Variants in DLGAP1 observed in about 807,000 individuals in gnomAD.
DLGAP1 encodes the protein DLG associated protein 1, also known as disks large-associated protein 1.
DLGAP1 carries 11 observed loss-of-function variants against 90.8 expected under a neutral mutation model. The observed-to-expected ratio is 0.12, with a 90% CI of 0.08 to 0.20. The LOEUF (loss-of-function observed/expected upper bound fraction) is 0.20, where lower values mean the gene tolerates loss of function less well. Among genes scored for constraint, DLGAP1 ranks in the 10% least tolerant of loss-of-function variants. The pLI is 1.00. For synonymous variants in DLGAP1, 558 were observed against 540.7 expected (o/e 1.03, Z -0.44); for missense variants, 1,050 against 1,333.8 (o/e 0.79, Z 3.31).
intron 1 of DLGAP1, among the ~76,000 whole-genome samples, chr18:4,358,706 C>T (rs564799597): frequency 2.6e-5 from 4 of 152,330 alleles, no homozygotes; most frequent in South Asian, 2.1e-4. Flanking sequence ...AGGCTCAGTC[C>T]CTTCCTCTTG....
chr18:3,982,550 G>A (rs1459105545), intron 3 of DLGAP1, among the ~76,000 whole-genome samples: 2 of 152,132 alleles, frequency 1.3e-5, no homozygotes, highest in African/African-American at 4.8e-5. Context: ...GAACATCAAT[G>A]GGGGTACCTC....
At chr18:3,604,611 C>G (rs996421481) in intron 7 of DLGAP1, among the ~76,000 whole-genome samples, 4 of 152,164 alleles carry the variant, frequency 2.6e-5, no homozygotes, top group African/African-American at 9.7e-5. Flanking sequence ...TCTGTAAGCA[C>G]TCCTTTGGGT....
chr18:3,644,871 GGAAATATT>G (rs1231604450), intron 7 of DLGAP1, among the ~76,000 whole-genome samples: 1 of 148,978 alleles, frequency 6.7e-6, no homozygotes, highest in Non-Finnish European at 1.5e-5. Flanking sequence ...ATGGAAATAT[GGAAATATT>G]ACTAAGACAT....
At position 3,911,988 on chromosome 18, in the gene DLGAP1, C is replaced by T. The variant is rs1389620414; in HGVS notation, c.-72-31848G>A. 3.3e-5 allele frequency among the ~76,000 whole-genome samples: 5 copies of T among 152,210 alleles called. No homozygotes were observed. In the East Asian group the frequency reaches 9.6e-4, roughly 29 times the overall value. ...TTGTTAGAATGCAAATTCTCAGATT[C>T]AAGTCCTGTCGAATCAAAAATTGTG... On this transcript the variant is annotated intron_variant, in intron 3 of 12. Coordinates refer to ENST00000315677, the MANE Select transcript of DLGAP1 (RefSeq NM_004746.4).
At chr18:3,850,074 T>A (rs1003209496) in intron 4 of DLGAP1, among the ~76,000 whole-genome samples, 9 of 152,096 alleles carry the variant, frequency 5.9e-5, no homozygotes, top group African/African-American at 2.2e-4. Context: ...AATTAGCATG[T>A]GGGATGTTGA....
intron 1 of DLGAP1, among the ~76,000 whole-genome samples, chr18:4,256,719 TGA>T (rs1167544734): frequency 6.6e-6 from 1 of 152,186 alleles, no homozygotes; most frequent in Non-Finnish European, 1.5e-5. Context: ...TACTCTCTCC[TGA>T]GAGAACTTTC....
intron 9 of DLGAP1, among the ~76,000 whole-genome samples, chr18:3,557,470 T>C (rs499800): frequency 0.61 from 92,734 of 151,970 alleles, 31,220 homozygotes; most frequent in Admixed American, 0.73. Context: ...TGCAGTGGGC[T>C]GAGATCACAC....
chr18:3,562,238 T>C (rs987074444), intron 9 of DLGAP1, among the ~76,000 whole-genome samples: 2 of 151,758 alleles, frequency 1.3e-5, no homozygotes, highest in Non-Finnish European at 2.9e-5. Flanking sequence ...CAAAAAATAA[T>C]AATAATAATA....
intron 1 of DLGAP1, among the ~76,000 whole-genome samples, chr18:4,226,357 A>G (rs1303842627): frequency 1.3e-5 from 2 of 152,172 alleles, no homozygotes; most frequent in Non-Finnish European, 2.9e-5. Flanking sequence ...GAAGGTATAA[A>G]AATCAATGGT....
At chr18:4,244,157 A>T (rs1168591492) in intron 1 of DLGAP1, among the ~76,000 whole-genome samples, 3 of 152,194 alleles carry the variant, frequency 2.0e-5, no homozygotes, top group Non-Finnish European at 4.4e-5. Context: ...ATAATTTGAA[A>T]TATATTTTCC....
intron 1 of DLGAP1, among the ~76,000 whole-genome samples, chr18:4,169,133 T>C (rs1431356532): frequency 6.6e-6 from 1 of 152,192 alleles, no homozygotes; most frequent in African/African-American, 2.4e-5. Flanking sequence ...ACCATATTGT[T>C]TTCCAATGAG....
At chr18:3,658,731 A>C (rs1198343168) in intron 7 of DLGAP1, among the ~76,000 whole-genome samples, 2 of 152,232 alleles carry the variant, frequency 1.3e-5, no homozygotes, top group African/African-American at 4.8e-5. Context: ...TCATCTTTTC[A>C]GAGTAGAATT....
At chr18:3,915,761 A>T (rs2072128370) in intron 3 of DLGAP1, among the ~76,000 whole-genome samples, 1 of 152,128 alleles carries the variant, frequency 6.6e-6, no homozygotes, top group Non-Finnish European at 1.5e-5. Flanking sequence ...GGAGAATGTC[A>T]TCTCTCTGAA....
intron 7 of DLGAP1, among the ~76,000 whole-genome samples, chr18:3,639,671 T>C (rs1444087633): frequency 6.6e-6 from 1 of 151,920 alleles, no homozygotes; most frequent in African/African-American, 2.4e-5. Flanking sequence ...CTGAAATCTC[T>C]GATGCAGATG....
rs764906570 is a variant in DLGAP1, at chr18:3,668,102, AATTT to A, written c.1591+61029_1591+61032del. Among the ~76,000 whole-genome samples the A allele has an allele frequency of 2.1e-4, 32 of 152,200 alleles. No individual in the cohort carries two copies. In the East Asian group the frequency reaches 2.3e-3, roughly 11 times the overall value. ...AAGGCCCATGATCTTTCTTAAAAGT[AATTT>A]ATTTTTCCTTAAGTGCCCTTCTCCT... On this transcript the variant is annotated intron_variant, in intron 7 of 12. Coordinates refer to ENST00000315677, the MANE Select transcript of DLGAP1 (RefSeq NM_004746.4).
At chr18:3,759,399 T>C (rs1415441690) in intron 5 of DLGAP1, among the ~76,000 whole-genome samples, 3 of 152,328 alleles carry the variant, frequency 2.0e-5, no homozygotes, top group East Asian at 1.9e-4. Flanking sequence ...AGTTATCAAG[T>C]TGGCTTTATC....
chr18:3,515,006 C>T (rs150420674), intron 10 of DLGAP1, among the ~76,000 whole-genome samples: 1,605 of 152,258 alleles, frequency 0.011, 13 homozygotes, highest in Middle Eastern at 0.017. Flanking sequence ...GACTCCCAAA[C>T]TGCTGACATT....
intron 7 of DLGAP1, among the ~76,000 whole-genome samples, chr18:3,627,812 A>G (rs2058351918): frequency 6.6e-6 from 1 of 151,218 alleles, no homozygotes; most frequent in East Asian, 1.9e-4. Context: ...CCATCTAATT[A>G]ATCCCTCCGC....
At chr18:3,909,703 C>T (rs1344457746) in intron 3 of DLGAP1, among the ~76,000 whole-genome samples, 2 of 152,132 alleles carry the variant, frequency 1.3e-5, no homozygotes, top group Admixed American at 6.5e-5. Flanking sequence ...CATATACATG[C>T]TCTATTTTTG....
Sources: gnomAD v4.1 joint callset for allele counts (sites outside exome capture counted in the v4.1 genomes callset) on GRCh38, gnomAD v4.1.1 for gene constraint, MANE v1.5 for transcripts, NCBI Gene and HGNC (gene_info 2026-07-23, HGNC 2026-07-21) for gene names.